The following DNAH11 variants were observed in gnomAD, a reference collection of about 807,000 sequenced individuals.
DNAH11 encodes the protein axonemal beta dynein heavy chain 11.
Under a neutral mutation model 526.0 loss-of-function variants are expected in DNAH11, and 442 were observed. The observed-to-expected ratio is 0.84, with a 90% CI of 0.78 to 0.91. The LOEUF (loss-of-function observed/expected upper bound fraction) is 0.91, where lower values mean the gene tolerates loss of function less well. DNAH11 is among the 40% of genes least tolerant of loss of function. The pLI is 0.00. For synonymous variants in DNAH11, 2,461 were observed against 1,935.9 expected (o/e 1.27, Z -7.12); for missense variants, 6,989 against 5,448.7 (o/e 1.28, Z -8.90).
intron 2 of DNAH11, among the ~76,000 whole-genome samples, chr7:21,556,213 C>G (rs1260207986): frequency 6.6e-6 from 1 of 152,162 alleles, no homozygotes; most frequent in African/African-American, 2.4e-5. Flanking sequence ...TAGGGGCTGA[C>G]CCATTCTCTA....
intron 51 of DNAH11, among the ~76,000 whole-genome samples, chr7:21,745,510 G>A (rs1786106321): frequency 6.6e-6 from 1 of 152,188 alleles, no homozygotes; most frequent in African/African-American, 2.4e-5. Context: ...GATAGAGCAT[G>A]GCTGACAAGG....
At chr7:21,728,341 T>G (rs1360653791) in intron 45 of DNAH11, among the ~76,000 whole-genome samples, 1 of 128,188 alleles carries the variant, frequency 7.8e-6, no homozygotes, top group African/African-American at 3.0e-5. Context: ...CACTGCAACC[T>G]CAGCCTCCCA....
At chr7:21,727,058 C>G (rs1583632896) in intron 45 of DNAH11, among the ~76,000 whole-genome samples, 1 of 148,146 alleles carries the variant, frequency 6.8e-6, no homozygotes, top group South Asian at 2.2e-4. Flanking sequence ...CTCAGACTCC[C>G]AAGTAGCTGG....
At chr7:21,802,211 A>G (rs1018881007) in intron 62 of DNAH11, among the ~76,000 whole-genome samples, 1 of 152,230 alleles carries the variant, frequency 6.6e-6, no homozygotes, top group African/African-American at 2.4e-5. Context: ...AGATATGCAG[A>G]TAGCCAGTAA....
intron 25 of DNAH11, among the ~76,000 whole-genome samples, chr7:21,628,408 A>G (rs760085460): frequency 2.0e-4 from 31 of 152,234 alleles, no homozygotes; most frequent in Admixed American, 3.3e-4. Context: ...CCCATTCAGT[A>G]CAATGTTAGC....
intron 2 of DNAH11, among the ~76,000 whole-genome samples, chr7:21,556,353 G>A (rs1245826206): frequency 6.6e-6 from 1 of 152,164 alleles, no homozygotes; most frequent in Non-Finnish European, 1.5e-5. Flanking sequence ...TCTCAGAATA[G>A]TAAATAGAGT....
chr7:21,690,033 C>T (rs1783545992), intron 34 of DNAH11, among the ~76,000 whole-genome samples: 1 of 152,194 alleles, frequency 6.6e-6, no homozygotes, highest in Admixed American at 6.5e-5. Flanking sequence ...CTTTAAGTGA[C>T]AGTAATAGCA....
chr7:21,637,658 G>T lies in DNAH11; in HGVS notation c.4773G>T (p.Thr1591=), dbSNP rs746316169. The T allele has an allele frequency of 6.3e-7, 1 of 1,587,130 alleles. No homozygotes were observed. The highest frequency in any genetic ancestry group is 2.3e-5 in the East Asian group (1 of 43,940). Residue 1591 remains threonine, a synonymous_variant, in exon 27 of 82, where the codon ACG becomes ACT. Transcript: ENST00000409508. ...AAGTAGAAAATGTGTTAGAAGCAAC[G>T]TGCAGACCTAATCTCTATGAAAAAC... ...TAKVENVLEA[T]CRPNLYEKLK... is the part of the protein sequence containing the mutation.
Position 21,617,641 on chromosome 7 carries a change from A to T in DNAH11, c.4118A>T (p.Glu1373Val). Residue 1373 changes from glutamate (E) to valine (V), a missense_variant, in exon 23 of 82, where the codon GAA becomes GTA. By Grantham distance (121) the Glu-to-Val change is moderately radical. Transcript: ENST00000409508. Reference sequence around the variant, plus strand: ...TAGGAAATTTGGTCACTCAACAAGGAAGTCCGCGTCTGGGATGCTTACACG... The same window carrying T: ...TAGGAAATTTGGTCACTCAACAAGGTAGTCCGCGTCTGGGATGCTTACACG... ...FAKEIWSLNKEVRVWDAYTGL... is the reference protein window; with the variant it reads ...FAKEIWSLNKVVRVWDAYTGL... 1 of 1,613,856 alleles carries T rather than the reference A, an allele frequency of 6.2e-7. No individual in the cohort carries two copies. The highest frequency in any genetic ancestry group is 8.5e-7 in the Non-Finnish European group (1 of 1,179,828).
At chr7:21,877,872 CT>C (rs1437516678) in intron 74 of DNAH11, among the ~76,000 whole-genome samples, 1 of 36,544 alleles carries the variant, frequency 2.7e-5, no homozygotes. Context: ...GAGACTCCAT[CT>C]CAAAAAAAAA....
chr7:21,656,101 G>C, intron 29 of DNAH11, 120 bp downstream of exon 29: 1 of 1,140,892 alleles, frequency 8.8e-7, no homozygotes, highest in Non-Finnish European at 1.2e-6. Flanking sequence ...TTAGTTTTGT[G>C]CTCGGAGGTT....
chr7:21,621,925 C>G (rs949883488), intron 25 of DNAH11, among the ~76,000 whole-genome samples: 1 of 152,092 alleles, frequency 6.6e-6, no homozygotes, highest in Non-Finnish European at 1.5e-5. Context: ...GGGATGCCCT[C>G]TCTCACCACT....
intron 56 of DNAH11, 148 bp from the exon 57 acceptor site, chr7:21,778,810 G>T (rs1787798773): frequency 6.0e-6 from 5 of 837,954 alleles, no homozygotes; most frequent in Non-Finnish European, 8.7e-6. Flanking sequence ...CTGCATTTTT[G>T]CAAATCAGAA....
At chr7:21,868,506 AAATGATGTGAT>A (rs1783373790) in intron 72 of DNAH11, among the ~76,000 whole-genome samples, 1 of 152,228 alleles carries the variant, frequency 6.6e-6, no homozygotes, top group Non-Finnish European at 1.5e-5. Context: ...CATTCAAAAA[AAATGATGTGAT>A]ATCTACCACA....
intron 65 of DNAH11, among the ~76,000 whole-genome samples, chr7:21,831,647 C>A (rs542111834): frequency 6.6e-6 from 1 of 152,268 alleles, no homozygotes; most frequent in South Asian, 2.1e-4. Flanking sequence ...CACCTATTCC[C>A]CAAGCAGATA....
At chr7:21,796,330 T>A (rs1281110194) in intron 61 of DNAH11, among the ~76,000 whole-genome samples, 2 of 152,094 alleles carry the variant, frequency 1.3e-5, no homozygotes, top group African/African-American at 4.8e-5. Context: ...GGGAGAGCAA[T>A]TGAAGAACTG....
At chr7:21,820,800 G>A (rs1790020505) in intron 65 of DNAH11, among the ~76,000 whole-genome samples, 1 of 152,188 alleles carries the variant, frequency 6.6e-6, no homozygotes, top group South Asian at 2.1e-4. Context: ...AAGGGACCAT[G>A]CTTTCCTGGA....
chr7:21,801,567 G>A (rs1434477841), intron 62 of DNAH11, among the ~76,000 whole-genome samples: 2 of 152,122 alleles, frequency 1.3e-5, no homozygotes, highest in African/African-American at 4.8e-5. Flanking sequence ...TAAGACAATG[G>A]AGTACATCAG....
intron 8 of DNAH11, among the ~76,000 whole-genome samples, chr7:21,572,247 T>C (rs895044883): frequency 1.3e-5 from 2 of 152,206 alleles, no homozygotes; most frequent in Admixed American, 6.5e-5. Context: ...ACAGAAACTT[T>C]CCACATGAAT....
Sources: gnomAD v4.1 joint callset for allele counts (sites outside exome capture counted in the v4.1 genomes callset) on GRCh38, gnomAD v4.1.1 for gene constraint, MANE v1.5 for transcripts, NCBI Gene and HGNC (gene_info 2026-07-23, HGNC 2026-07-21) for gene names.